Variants in EYS observed in about 807,000 individuals in gnomAD.
EYS encodes EGF-like photoreceptor maintenance factor, also known as protein eyes shut homolog.
In EYS, 250 loss-of-function variants were observed where a neutral mutation model predicts 282.1. That is an observed-to-expected ratio of 0.89 (90% CI 0.80 to 0.98). The LOEUF is 0.98. Ranked by LOEUF, EYS falls within the 50% of genes least tolerant of loss-of-function variation. The pLI is 0.00. For synonymous variants in EYS, 1,355 were observed against 1,282.9 expected, an observed-to-expected ratio of 1.06 and a Z score of -1.20; for missense variants, 4,016 against 3,709.0, an observed-to-expected ratio of 1.08 and a Z score of -2.15.
At chr6:65,210,744 A>G (rs955599061) in intron 12 of EYS, among the ~76,000 whole-genome samples, 1 of 152,006 alleles carries the variant, frequency 6.6e-6, no homozygotes, top group Admixed American at 6.6e-5. Flanking sequence ...ATAGAAAATC[A>G]CTTGTAGCAT....
chr6:63,877,383 C>T (rs551970002), intron 35 of EYS, among the ~76,000 whole-genome samples: 1 of 152,164 alleles, frequency 6.6e-6, no homozygotes, highest in Non-Finnish European at 1.5e-5. Flanking sequence ...CCTGACCTTT[C>T]TCTCTGGCCG....
At chr6:64,733,382 C>G (rs1024289491) in intron 22 of EYS, 1 of 174,430 alleles carries the variant, frequency 5.7e-6, no homozygotes, top group African/African-American at 2.4e-5. Flanking sequence ...CATCCAGGAG[C>G]TTGGTGCTTA....
intron 4 of EYS, among the ~76,000 whole-genome samples, chr6:65,493,250 T>G (rs1417995451): frequency 6.6e-6 from 1 of 152,128 alleles, no homozygotes; most frequent in African/African-American, 2.4e-5. Flanking sequence ...CTCTTTAAAC[T>G]TGGCTCCAAT....
chr6:64,394,024 A>C (rs1382588335), intron 28 of EYS, among the ~76,000 whole-genome samples: 3 of 152,174 alleles, frequency 2.0e-5, no homozygotes, highest in African/African-American at 7.2e-5. Context: ...GTGAACTCCC[A>C]TTCACAATTG....
intron 5 of EYS, among the ~76,000 whole-genome samples, chr6:65,474,397 C>G (rs573920403): frequency 6.6e-6 from 1 of 152,090 alleles, no homozygotes; most frequent in Non-Finnish European, 1.5e-5. Flanking sequence ...GTCTTACAGA[C>G]CTTTCTCTAC....
intron 26 of EYS, among the ~76,000 whole-genome samples, chr6:64,439,936 A>G (rs1403892184): frequency 1.3e-5 from 2 of 151,910 alleles, no homozygotes; most frequent in East Asian, 3.8e-4. Flanking sequence ...TGATTAATAA[A>G]ACCAAGTTAG....
At chr6:64,331,659 G>C (rs1483659636) in intron 29 of EYS, among the ~76,000 whole-genome samples, 1 of 148,644 alleles carries the variant, frequency 6.7e-6, no homozygotes, top group African/African-American at 2.5e-5. Context: ...CTGCATTAGA[G>C]ACTCTTGTAG....
At chr6:64,212,186 CTG>C (rs1210406978) in intron 31 of EYS, among the ~76,000 whole-genome samples, 1 of 151,854 alleles carries the variant, frequency 6.6e-6, no homozygotes, top group African/African-American at 2.4e-5. Context: ...TAAATTGTCA[CTG>C]TGTAATTTCT....
At chr6:65,552,974 T>C (rs1236064458) in intron 2 of EYS, among the ~76,000 whole-genome samples, 2 of 152,154 alleles carry the variant, frequency 1.3e-5, no homozygotes, top group East Asian at 3.8e-4. Context: ...TGTTGTTTCT[T>C]TTAAATGAAG....
At chr6:65,077,865 C>T (rs908243715) in intron 12 of EYS, among the ~76,000 whole-genome samples, 4 of 151,988 alleles carry the variant, frequency 2.6e-5, no homozygotes, top group Admixed American at 2.0e-4. Flanking sequence ...TTAAAAATTA[C>T]TTTGAGATAA....
In EYS at chr6:63,778,123, C is replaced by T; in HGVS notation, c.7781G>A (p.Gly2594Glu). Residue 2594 changes from glycine (G) to glutamate (E), a missense_variant, in exon 40 of 43, where the codon GGA becomes GAA. Coordinates refer to ENST00000503581, the MANE Select transcript of EYS (RefSeq NM_001142800.2). ...AGCATTTGGGTGGCCCTCAGGATTT[C>T]CCAGTCCTCTGAAATGGCCATCCTT... ...TEKDGHFRGL[G>E]NPEGHPNAGR... The T allele has an allele frequency of 6.4e-7, 1 of 1,551,810 alleles. No individual in the cohort carries two copies. Among genetic ancestry groups the T allele is most frequent in the Non-Finnish European group, 8.7e-7 (1 of 1,146,938 alleles).
intron 19 of EYS, among the ~76,000 whole-genome samples, chr6:64,853,001 C>A (rs571516670): frequency 1.9e-4 from 29 of 152,214 alleles, no homozygotes; most frequent in African/African-American, 6.3e-4. Context: ...ATAAGGCAGA[C>A]CTACAGTGAT....
intron 33 of EYS, among the ~76,000 whole-genome samples, chr6:64,040,601 A>G (rs1276017743): frequency 6.6e-6 from 1 of 152,256 alleles, no homozygotes; most frequent in African/African-American, 2.4e-5. Context: ...TAAGATAAAA[A>G]GTATTAGTTT....
intron 33 of EYS, among the ~76,000 whole-genome samples, chr6:64,033,250 C>T (rs1159609627): frequency 6.6e-6 from 1 of 152,150 alleles, no homozygotes; most frequent in Non-Finnish European, 1.5e-5. Context: ...AGTCAAAACA[C>T]TTCTCATATA....
intron 12 of EYS, among the ~76,000 whole-genome samples, chr6:65,258,182 C>G (rs949739891): frequency 6.6e-6 from 1 of 151,150 alleles, no homozygotes; most frequent in Non-Finnish European, 1.5e-5. Context: ...GTTAAAAATG[C>G]GAAGATATTA....
At chr6:64,009,306 CG>C (rs1271829404) in intron 33 of EYS, among the ~76,000 whole-genome samples, 1 of 147,612 alleles carries the variant, frequency 6.8e-6, no homozygotes, top group Non-Finnish European at 1.5e-5. Context: ...TTTTTGGAGA[CG>C]GAGTCTCACT....
intron 36 of EYS, among the ~76,000 whole-genome samples, chr6:63,807,246 G>T (rs1770930240): frequency 6.6e-6 from 1 of 152,142 alleles, no homozygotes; most frequent in African/African-American, 2.4e-5. Flanking sequence ...ACCAGATTAA[G>T]GGATGTTCCT....
intron 35 of EYS, among the ~76,000 whole-genome samples, chr6:63,983,430 T>C (rs1382178635): frequency 6.6e-6 from 1 of 151,838 alleles, no homozygotes; most frequent in African/African-American, 2.4e-5. Flanking sequence ...TCTTTGTGAT[T>C]GGTTCTTTCT....
chr6:63,851,741 C>A (rs929476637), intron 36 of EYS, among the ~76,000 whole-genome samples: 6 of 152,034 alleles, frequency 3.9e-5, no homozygotes, highest in Non-Finnish European at 8.8e-5. Context: ...AACTGACACC[C>A]AACATCACAA....
Sources: gnomAD v4.1 joint callset for allele counts (sites outside exome capture counted in the v4.1 genomes callset) on GRCh38, gnomAD v4.1.1 for gene constraint, MANE v1.5 for transcripts, NCBI Gene and HGNC (gene_info 2026-07-23, HGNC 2026-07-21) for gene names.